Variants in SPG7 observed in about 807,000 individuals in gnomAD.
SPG7 encodes the protein SPG7 matrix AAA peptidase subunit, paraplegin.
Under a neutral mutation model 81.9 loss-of-function variants are expected in SPG7, and 103 were observed. The observed-to-expected ratio is 1.26, with a 90% CI of 1.07 to 1.48. The LOEUF (loss-of-function observed/expected upper bound fraction) is 1.48. Ranked by LOEUF, SPG7 falls within the 40% of genes most tolerant of loss-of-function variation. SPG7 has a pLI of 0.00. For synonymous variants in SPG7, 534 were observed against 444.2 expected (o/e 1.20, Z -2.54); for missense variants, 1,241 against 1,087.3 (o/e 1.14, Z -1.99).
chr16:89,534,821 C>A lies in SPG7; in HGVS notation c.1324+2185C>A, dbSNP rs545062235. 2.1e-3 allele frequency among the ~76,000 whole-genome samples: 320 copies of A among 152,336 alleles called. 1 individual carries two copies. The highest frequency in any genetic ancestry group is 0.014 in the South Asian group (68 of 4,832). The stretch of plus-strand genomic sequence containing the variant: ...GACCAGGCCACGCTGTCCGTGACTG[C>A]CCCCCAGACCCATCCACAGGTGCTT... On this transcript the variant is annotated intron_variant, in intron 9 of 16. Coordinates refer to ENST00000645818, the MANE Select transcript of SPG7 (RefSeq NM_003119.4).
chr16:89,515,662 C>T (rs2058085381), intron 3 of SPG7, among the ~76,000 whole-genome samples: 1 of 150,426 alleles, frequency 6.6e-6, no homozygotes, highest in African/African-American at 2.4e-5. Flanking sequence ...ATCACTTGAG[C>T]CCAGGAGTTT....
At chr16:89,556,061 A>T in intron 16 of SPG7, 1 of 398,778 alleles carries the variant, frequency 2.5e-6, no homozygotes, top group Non-Finnish European at 4.4e-6. Flanking sequence ...TCACAGTGGG[A>T]GCCACAACGG....
chr16:89,541,490 G>A (rs758371008), intron 9 of SPG7: 4 of 265,800 alleles, frequency 1.5e-5, no homozygotes, highest in Non-Finnish European at 2.3e-5. Flanking sequence ...TGGGGAGGGC[G>A]GTTCTGTGTC....
At chr16:89,531,834 A>G in intron 7 of SPG7, 70 bp from the exon 8 acceptor site, 1 of 1,527,424 alleles carries the variant, frequency 6.5e-7, no homozygotes, top group Non-Finnish European at 9.1e-7. Flanking sequence ...ACCCAGAGAG[A>G]CCTTACCTCT....
In SPG7 at chr16:89,531,375, A is replaced by G. The variant is rs1022519796; in HGVS notation, c.988-529A>G. 3 of 182,852 alleles carry G rather than the reference A, an allele frequency of 1.6e-5. No individual in the cohort carries two copies. The East Asian group carries it at 4.3e-4, about 26-fold the overall frequency. 11.3% of individuals were successfully genotyped at this position (182,852 alleles called of 1,614,324 possible). On this transcript the variant is annotated intron_variant, in intron 7 of 16. Coordinates refer to ENST00000645818, the MANE Select transcript of SPG7 (RefSeq NM_003119.4). Reference sequence around the variant, plus strand: ...GTCTCTGCAAAACATTTTTTTATTTAATTAATTTTTTTTTTCGAGACAGAG... The same window carrying G: ...GTCTCTGCAAAACATTTTTTTATTTGATTAATTTTTTTTTTCGAGACAGAG...
At position 89,530,681 on chromosome 16, in the gene SPG7, A is replaced by G. The variant is rs779470027; in HGVS notation, c.862-2A>G. 4.3e-6 allele frequency: 7 copies of G among 1,614,178 alleles called. No individual in the cohort carries two copies. Among genetic ancestry groups the G allele is most frequent in the Admixed American group, 1.7e-5 (1 of 60,018 alleles). ...TCCTTGCACTTTGTTCTTTCTGCAC[A>G]GAATCAGCTTAAAATGGCTCGTTTC... On this transcript the variant is annotated splice_acceptor_variant, in intron 6 of 16. Transcript: ENST00000645818. LOFTEE classifies it high-confidence loss of function.
intron 9 of SPG7, chr16:89,537,362 G>T: frequency 8.7e-7 from 1 of 1,145,102 alleles, no homozygotes; most frequent in Non-Finnish European, 1.1e-6. Context: ...CTCCTGTGCT[G>T]GAAAGCGTTG....
At chr16:89,532,937 G>A in intron 9 of SPG7, 1 of 419,040 alleles carries the variant, frequency 2.4e-6, no homozygotes, top group African/African-American at 2.0e-5. Context: ...ACAAAAGTCA[G>A]CCGGGTGTGG....
intron 13 of SPG7, chr16:89,552,095 G>A (rs949147819): frequency 2.0e-5 from 3 of 151,862 alleles, no homozygotes; most frequent in African/African-American, 7.3e-5. Context: ...CTCTCTCTCT[G>A]TTGCCCAGAC....
At chr16:89,516,274 C>T (rs2058095040) in intron 3 of SPG7, among the ~76,000 whole-genome samples, 1 of 151,856 alleles carries the variant, frequency 6.6e-6, no homozygotes, top group African/African-American at 2.4e-5. Flanking sequence ...AGGTGTGAGC[C>T]ACCACGCCCG....
intron 2 of SPG7, among the ~76,000 whole-genome samples, chr16:89,511,600 A>G (rs546217797): frequency 5.3e-5 from 8 of 152,354 alleles, no homozygotes; most frequent in Admixed American, 1.3e-4. Context: ...CAGGAAGCAC[A>G]TGCTTCAGCC....
intron 9 of SPG7, 21 bp from the exon 10 acceptor site, chr16:89,544,627 C>G (rs766105508): frequency 1.2e-6 from 2 of 1,613,630 alleles, no homozygotes; most frequent in Admixed American, 1.7e-5. Context: ...CTCAGAGCCA[C>G]TGTCTGCTCT....
At chr16:89,530,964 G>A (rs957635465) in intron 7 of SPG7, 156 bp downstream of exon 7, 1 of 972,990 alleles carries the variant, frequency 1.0e-6, no homozygotes, top group African/African-American at 1.6e-5. Flanking sequence ...GCAGGTGCTG[G>A]TGCCTGTTCA....
intron 5 of SPG7, chr16:89,528,603 CTTTTT>C (rs199905330): frequency 2.6e-5 from 3 of 113,560 alleles, no homozygotes; most frequent in Non-Finnish European, 3.7e-5. Flanking sequence ...CTGGGATTTG[CTTTTT>C]TTTTTTTTTT....
chr16:89,548,811 G>A (rs2152410521), intron 12 of SPG7: 1 of 398,100 alleles, frequency 2.5e-6, no homozygotes, highest in South Asian at 1.8e-5. Context: ...ATGGAATGGA[G>A]TTCAGACCCG....
At chr16:89,520,999 G>C (rs2058180694) in intron 3 of SPG7, 1 of 152,298 alleles carries the variant, frequency 6.6e-6, no homozygotes, top group Non-Finnish European at 1.5e-5. Flanking sequence ...ACGTGTGCAA[G>C]GCCTGTTTGT....
At chr16:89,552,651 G>A (rs946288385) in intron 13 of SPG7, 10 of 379,058 alleles carry the variant, frequency 2.6e-5, no homozygotes, top group Non-Finnish European at 4.6e-5. Flanking sequence ...TGGTGTGAGG[G>A]GTCAGCGCAG....
chr16:89,546,013 T>C (rs1015283550), intron 10 of SPG7: 98 of 396,240 alleles, frequency 2.5e-4, no homozygotes, highest in Non-Finnish European at 4.6e-4. Flanking sequence ...TTTAACAGAG[T>C]CTCGCTGTGT....
intron 9 of SPG7, chr16:89,536,821 A>T (rs758332325): frequency 2.5e-6 from 4 of 1,613,082 alleles, no homozygotes; most frequent in Non-Finnish European, 3.4e-6. Context: ...CAGAGGAAAG[A>T]CCCCCGCCTG....
Sources: allele counts gnomAD v4.1 joint callset (sites outside exome capture counted in the v4.1 genomes callset), GRCh38; gene constraint gnomAD v4.1.1; transcripts MANE v1.5; gene names NCBI Gene and HGNC (gene_info 2026-07-23, HGNC 2026-07-21).